TSPAN9: variants seen among roughly 807,000 people sequenced by gnomAD.
TSPAN9 encodes tetraspanin-9.
TSPAN9 carries 16 observed loss-of-function variants against 31.0 expected under a neutral mutation model. The observed-to-expected ratio is 0.52, with a 90% CI of 0.35 to 0.78. The LOEUF is 0.78. TSPAN9 is among the 30% of genes least tolerant of loss of function. TSPAN9 has a pLI of 0.01. For missense variants in TSPAN9, 272 were observed against 312.5 expected, an observed-to-expected ratio of 0.87 and a Z score of 0.98; for synonymous variants, 145 against 121.6, an observed-to-expected ratio of 1.19 and a Z score of -1.27.
chr12:3,266,465 C>T (rs535772120), intron 3 of TSPAN9, among the ~76,000 whole-genome samples: 29 of 152,298 alleles, frequency 1.9e-4, no homozygotes, highest in African/African-American at 7.0e-4. Context: ...GGGCCGTGGG[C>T]ACTGGGAGCA....
chr12:3,136,683 C>T (rs554110792), intron 2 of TSPAN9, among the ~76,000 whole-genome samples: 52 of 152,294 alleles, frequency 3.4e-4, no homozygotes, highest in African/African-American at 1.1e-3. Context: ...CCCAAACCCT[C>T]TGTAAGAGGA....
intron 2 of TSPAN9, among the ~76,000 whole-genome samples, chr12:3,161,842 G>T (rs1290724335): frequency 1.3e-5 from 2 of 151,854 alleles, no homozygotes; most frequent in Non-Finnish European, 2.9e-5. Flanking sequence ...TAGAGATAGG[G>T]TCTCACTCTG....
chr12:3,250,443 C>T (rs550475026), intron 3 of TSPAN9, among the ~76,000 whole-genome samples: 2 of 152,312 alleles, frequency 1.3e-5, no homozygotes, highest in African/African-American at 4.8e-5. Context: ...TTAGGGTTCA[C>T]CCATCATGTC....
chr12:3,187,926 C>G lies in TSPAN9; in HGVS notation c.-17-13251C>G, dbSNP rs1167703128. On this transcript the variant is annotated intron_variant, in intron 2 of 8. Transcript: ENST00000011898. This position sits in a 1 kb window ranked among gnomAD's most constrained non-coding sequence, Gnocchi z 5.2. Reference sequence around the variant, plus strand: ...CACCCTTTCATTTGATTGCTCTTTGCCCAGATGCAGATGGAGCGTTTGCTC... The same window carrying G: ...CACCCTTTCATTTGATTGCTCTTTGGCCAGATGCAGATGGAGCGTTTGCTC... 1.3e-5 allele frequency among the ~76,000 whole-genome samples: 2 copies of G among 152,156 alleles called. No homozygotes were observed. Among genetic ancestry groups the G allele is most frequent in the Non-Finnish European group, 2.9e-5 (2 of 68,034 alleles).
Position 3,192,481 on chromosome 12 carries a change from C to A in TSPAN9, c.-17-8696C>A, listed in dbSNP as rs945554825. On this transcript the variant is annotated intron_variant, in intron 2 of 8. Coordinates refer to ENST00000011898, the MANE Select transcript of TSPAN9 (RefSeq NM_006675.5). The surrounding 1 kb of genome is among the most constrained non-coding windows in gnomAD (Gnocchi z 4.6). ...CTTCGAGGTGGGAGCAAGTGACAACCGGGAGCCAAGGATGAGTCTGAGGCT... is the reference window on the plus strand; with the variant it reads ...CTTCGAGGTGGGAGCAAGTGACAACAGGGAGCCAAGGATGAGTCTGAGGCT... Among the ~76,000 whole-genome samples the A allele has an allele frequency of 6.6e-6, 1 of 152,074 alleles. No homozygotes were observed. The highest frequency in any genetic ancestry group is 2.1e-4 in the South Asian group (1 of 4,804).
chr12:3,103,980 C>G (rs751407575), intron 2 of TSPAN9, among the ~76,000 whole-genome samples: 1 of 152,048 alleles, frequency 6.6e-6, no homozygotes, highest in African/African-American at 2.4e-5. Context: ...GAGGATGAGG[C>G]GGGGTCAGGG....
intron 2 of TSPAN9, among the ~76,000 whole-genome samples, chr12:3,185,839 G>T (rs1008669750): frequency 6.6e-6 from 1 of 152,200 alleles, no homozygotes; most frequent in Non-Finnish European, 1.5e-5. Flanking sequence ...TGGAGTTCGG[G>T]TGTGGCTGGT....
intron 2 of TSPAN9, among the ~76,000 whole-genome samples, chr12:3,098,995 C>T (rs1248516748): frequency 6.6e-6 from 1 of 152,180 alleles, no homozygotes; most frequent in Non-Finnish European, 1.5e-5. Flanking sequence ...TCAGGTGATC[C>T]ACCTGCCTTG....
At chr12:3,121,987 C>T (rs1308029957) in intron 2 of TSPAN9, among the ~76,000 whole-genome samples, 2 of 152,134 alleles carry the variant, frequency 1.3e-5, no homozygotes, top group Admixed American at 1.3e-4. Flanking sequence ...AACTGTGAAC[C>T]ATCCTGCTGT....
chr12:3,246,336 G>A (rs1303949400), intron 3 of TSPAN9, among the ~76,000 whole-genome samples: 1 of 152,012 alleles, frequency 6.6e-6, no homozygotes, highest in Non-Finnish European at 1.5e-5. Flanking sequence ...TGAATTGGTG[G>A]GGACCAATAT....
chr12:3,173,689 T>G (rs1051114436), intron 2 of TSPAN9: 2 of 151,746 alleles, frequency 1.3e-5, no homozygotes, highest in Non-Finnish European at 2.9e-5. Flanking sequence ...GAGATGGGGG[T>G]CTTGCTATAT....
chr12:3,109,307 A>AGAGAGAGAGTGTGT lies in TSPAN9; in HGVS notation c.-18+25589_-18+25590insAGAGAGAGTGTGTG, dbSNP rs560687812. Reference sequence around the variant, plus strand: ...GTGTGTGTGTGTGTGTGTGAGAGAGAGTGTGTGTGTGTGTGTGTGTTTGTG... The same window carrying AGAGAGAGAGTGTGT: ...GTGTGTGTGTGTGTGTGTGAGAGAGAGAGAGAGAGTGTGTGTGTGTGTGTGTGTGTGTGTTTGTG... On this transcript the variant is annotated intron_variant, in intron 2 of 8. Transcript: ENST00000011898. Among the ~76,000 whole-genome samples the AGAGAGAGAGTGTGT allele has an allele frequency of 3.5e-4, 50 of 143,320 alleles. 1 individual carries two copies. The highest frequency in any genetic ancestry group is 1.3e-3 in the African/African-American group (46 of 36,148). The allele number at this position is 143,320 out of a possible 152,430, so 94.0% of individuals were successfully genotyped here.
chr12:3,141,704 G>A (rs539340921), intron 2 of TSPAN9, among the ~76,000 whole-genome samples: 2 of 152,348 alleles, frequency 1.3e-5, no homozygotes, highest in East Asian at 1.9e-4. Flanking sequence ...CCTCTGTGTT[G>A]TATCTTAGCT....
rs1009921480 is a variant in TSPAN9 at position 3,187,559 on chromosome 12, C to T, written c.-17-13618C>T. On this transcript the variant is annotated intron_variant, in intron 2 of 8. Transcript: ENST00000011898. The surrounding 1 kb of genome is among the most constrained non-coding windows in gnomAD (Gnocchi z 5.2). ...TCCCAGCTCTCCTTACTTGCTTAGA[C>T]GAGTGCTCTCCCCTCTTTGGCCCTT... 5.9e-5 allele frequency among the ~76,000 whole-genome samples: 9 copies of T among 152,160 alleles called. No homozygotes were observed. The highest frequency in any genetic ancestry group is 8.8e-5 in the Non-Finnish European group (6 of 68,038).
intron 3 of TSPAN9, among the ~76,000 whole-genome samples, chr12:3,251,511 G>A (rs1200859673): frequency 6.8e-6 from 1 of 147,532 alleles, no homozygotes; most frequent in African/African-American, 2.7e-5. Context: ...AGTCACTGGA[G>A]AGTACTGGAA....
intron 2 of TSPAN9, among the ~76,000 whole-genome samples, chr12:3,179,892 G>A (rs1039229809): frequency 6.6e-6 from 1 of 152,126 alleles, no homozygotes. Context: ...CTCTTCTCAC[G>A]GTACACGTAA....
At chr12:3,176,203 CTT>C (rs1324222173) in intron 2 of TSPAN9, among the ~76,000 whole-genome samples, 1 of 152,238 alleles carries the variant, frequency 6.6e-6, no homozygotes, top group Non-Finnish European at 1.5e-5. Context: ...CCCTTCTCCT[CTT>C]GTCTCAGCAT....
At chr12:3,141,855 A>G (rs1358848594) in intron 2 of TSPAN9, among the ~76,000 whole-genome samples, 1 of 152,070 alleles carries the variant, frequency 6.6e-6, no homozygotes, top group Non-Finnish European at 1.5e-5. Flanking sequence ...ATAGCCCCAC[A>G]TCAGAACAAG....
intron 3 of TSPAN9, among the ~76,000 whole-genome samples, chr12:3,275,909 C>T (rs1435139849): frequency 1.3e-5 from 2 of 152,238 alleles, no homozygotes; most frequent in African/African-American, 4.8e-5. Context: ...TCATGCACAC[C>T]TTTCTGGTTC....
Sources: allele counts gnomAD v4.1 joint callset (sites outside exome capture counted in the v4.1 genomes callset), GRCh38; gene constraint gnomAD v4.1.1; non-coding constraint Gnocchi (gnomAD v3.1); transcripts MANE v1.5; gene names NCBI Gene and HGNC (gene_info 2026-07-23, HGNC 2026-07-21).